AACS: variants seen among roughly 807,000 people sequenced by gnomAD.
AACS encodes the protein acetoacetate-CoA ligase.
AACS carries 69 observed loss-of-function variants against 83.1 expected under a neutral mutation model. The ratio of observed to expected loss-of-function variants is 0.83; its 90% CI spans 0.68 to 1.01. The LOEUF (loss-of-function observed/expected upper bound fraction) is 1.01. Ranked by LOEUF, AACS falls within the 50% of genes least tolerant of loss-of-function variation. AACS has a pLI of 0.00. For missense variants in AACS, 866 were observed against 882.2 expected (o/e 0.98, Z 0.23); for synonymous variants, 333 against 343.4 (o/e 0.97, Z 0.33).
At chr12:125,108,510 C>G (rs922833569) in intron 8 of AACS, among the ~76,000 whole-genome samples, 2 of 152,054 alleles carry the variant, frequency 1.3e-5, no homozygotes. Flanking sequence ...CTTCAACATA[C>G]GAATTTTGGG....
Position 125,129,557 on chromosome 12 carries a change from C to T in AACS, c.1549+97C>T, listed in dbSNP as rs1243111626. On this transcript the variant is annotated intron_variant, in intron 14 of 17. Transcript: ENST00000316519. The surrounding 1 kb of genome is among the most constrained non-coding windows in gnomAD (Gnocchi z 4.3). Reference sequence around the variant, plus strand: ...CCATCGTGCCCCTCCCCTCTTCCTTCCCCCACCAGGGCTTGGAGAAGCTGC... The same window carrying T: ...CCATCGTGCCCCTCCCCTCTTCCTTTCCCCACCAGGGCTTGGAGAAGCTGC... The T allele has an allele frequency of 2.8e-6, 4 of 1,453,398 alleles. No individual in the cohort carries two copies. Among genetic ancestry groups the T allele is most frequent in the Non-Finnish European group, 3.7e-6 (4 of 1,081,070 alleles). 90.0% of individuals were successfully genotyped at this position (1,453,398 alleles called of 1,614,324 possible). A position where few individuals can be genotyped will look rare whatever the true frequency, so the allele number is the denominator to read the frequency against.
rs771079205 is a variant in AACS at position 125,142,280 on chromosome 12, T to G, written c.*51T>G. On this transcript the variant is annotated 3_prime_UTR_variant, in exon 18 of 18. Coordinates refer to ENST00000316519, the MANE Select transcript of AACS (RefSeq NM_023928.5). ...GCCGCACCCGTGTGCACTGTAACTT[T>G]TGTGTGCTCAAGAAATTATACAGAA... 2.5e-6 allele frequency: 4 copies of G among 1,592,436 alleles called. No individual in the cohort carries two copies. Among genetic ancestry groups the G allele is most frequent in the South Asian group, 2.2e-5 (2 of 89,720 alleles).
At chr12:125,136,587 G>T in intron 16 of AACS, 75 bp from the exon 17 acceptor site, 1 of 1,306,930 alleles carries the variant, frequency 7.7e-7, no homozygotes, top group Non-Finnish European at 1.1e-6. Flanking sequence ...CTCCTGCTCT[G>T]CCAGGTTGCT....
At position 125,066,437 on chromosome 12, in the gene AACS, G is replaced by A. The variant is rs369411720; in HGVS notation, c.133+720G>A. Among the ~76,000 whole-genome samples the A allele has an allele frequency of 2.5e-4, 35 of 139,344 alleles. 1 individual carries two copies. Among genetic ancestry groups the A allele is most frequent in the African/African-American group, 8.4e-4 (32 of 37,892 alleles). The allele number at this position is 139,344 out of a possible 152,430, so 91.4% of individuals were successfully genotyped here. On this transcript the variant is annotated intron_variant, in intron 1 of 17. Transcript: ENST00000316519. Reference sequence around the variant, plus strand: ...CACCCCTCCACCCTGCCTCCCCTAGGTATTCCTAGGGGATTTTTTTTTTTT... The same window carrying A: ...CACCCCTCCACCCTGCCTCCCCTAGATATTCCTAGGGGATTTTTTTTTTTT...
chr12:125,123,301 CCT>C (rs1222839664), intron 10 of AACS: 1 of 152,172 alleles, frequency 6.6e-6, no homozygotes, highest in African/African-American at 2.4e-5. Context: ...AGGTCTCCAT[CCT>C]CTGTTAGTGA....
chr12:125,119,307 T>A (rs1038910216), intron 10 of AACS, among the ~76,000 whole-genome samples: 2 of 152,182 alleles, frequency 1.3e-5, no homozygotes, highest in African/African-American at 4.8e-5. Context: ...TTCATCTTAT[T>A]TCTCTAGTTG....
In AACS at chr12:125,136,853, A is replaced by C. The variant is rs564588581; in HGVS notation, c.1870A>C (p.Lys624Gln). 2 of 1,613,348 alleles carry C rather than the reference A, an allele frequency of 1.2e-6. No homozygotes were observed. The highest frequency in any genetic ancestry group is 2.7e-5 in the African/African-American group (2 of 75,044). The change falls in exon 17 of 18, where the codon AAG (lysine) becomes CAG (glutamine). Residue 624 changes from lysine to glutamine, a missense_variant. Coordinates refer to ENST00000316519, the MANE Select transcript of AACS (RefSeq NM_023928.5). ...CGTGCCCAGCCTCATCCTGGAAACC[A>C]AGGGCATCCCGGTATGGCCATCTCC... is the stretch of plus-strand genomic sequence containing the variant. ...RHVPSLILET[K>Q]GIPYTLNGKK...
intron 7 of AACS, among the ~76,000 whole-genome samples, chr12:125,104,379 T>C (rs540861998): frequency 6.6e-6 from 1 of 152,272 alleles, no homozygotes; most frequent in East Asian, 1.9e-4. Context: ...CTTGTTACCG[T>C]CTGTCAGGGT....
Position 125,103,089 on chromosome 12 carries a change from A to C in AACS, c.767+8A>C, listed in dbSNP as rs1956752053. 1 of 1,612,546 alleles carries C rather than the reference A, an allele frequency of 6.2e-7. No homozygotes were observed. The highest frequency in any genetic ancestry group is 8.5e-7 in the Non-Finnish European group (1 of 1,179,422). ...TTCAAAGATTCCAAACAGGTAATGT[A>C]CCGCATTCTGACCCACAGGTCCGTG... On this transcript the variant is annotated splice_region_variant and intron_variant, in intron 7 of 17. Transcript: ENST00000316519.
At chr12:125,118,326 A>C in intron 9 of AACS, 1 of 344,554 alleles carries the variant, frequency 2.9e-6, no homozygotes, top group East Asian at 7.8e-5. Context: ...ACTGTGTAGG[A>C]GTGTCAGTAG....
Position 125,089,377 on chromosome 12 carries a change from T to C in AACS, c.473-2049T>C, listed in dbSNP as rs147249810. On this transcript the variant is annotated intron_variant, in intron 4 of 17. Coordinates refer to ENST00000316519, the MANE Select transcript of AACS (RefSeq NM_023928.5). ...GACTAGGGACCCCTGGGGGCACACC[T>C]GGGTAGCTGCACCTCGCTCTGATGA... 8.5e-3 allele frequency among the ~76,000 whole-genome samples: 1,289 copies of C among 152,248 alleles called. 24 individuals carry two copies. The highest frequency in any genetic ancestry group is 0.029 in the African/African-American group (1,218 of 41,546).
At position 125,107,331 on chromosome 12, in the gene AACS, C is replaced by T. The variant is rs1204013905; in HGVS notation, c.915+63C>T. The T allele has an allele frequency of 9.5e-6, 15 of 1,586,896 alleles. No individual in the cohort carries two copies. In the East Asian group the frequency reaches 1.6e-4, roughly 17 times the overall value. ...GTCTGTTTGCTTCAACAGGGCCTCC[C>T]AGCTGATGATGGCAGTGTTGGAGTT... On this transcript the variant is annotated intron_variant, in intron 8 of 17. Coordinates refer to ENST00000316519, the MANE Select transcript of AACS (RefSeq NM_023928.5).
intron 8 of AACS, among the ~76,000 whole-genome samples, chr12:125,110,190 TGTGTGTGTGTGTGTGTGTGTGTGTG>T (rs1956924940): frequency 5.2e-3 from 1 of 192 alleles, no homozygotes; most frequent in African/African-American, 0.018. Context: ...CGGCTAAGTT[TGTGTGTGTGTGTGTGTGTGTGTGTG>T]TGTGTGTGTG....
intron 3 of AACS, among the ~76,000 whole-genome samples, chr12:125,081,954 C>T (rs1369731054): frequency 1.3e-5 from 2 of 151,662 alleles, no homozygotes; most frequent in Non-Finnish European, 2.9e-5. Flanking sequence ...TGGCTCACTG[C>T]AGCCTCCGCC....
At chr12:125,141,997 T>C (rs1346760780) in intron 17 of AACS, 95 bp from the exon 18 acceptor site, 1 of 1,511,276 alleles carries the variant, frequency 6.6e-7, no homozygotes, top group African/African-American at 1.4e-5. Flanking sequence ...GCACTCCAGG[T>C]GGAGCTGGGC....
chr12:125,135,346 C>T (rs555277345), intron 16 of AACS, among the ~76,000 whole-genome samples: 18 of 152,226 alleles, frequency 1.2e-4, no homozygotes, highest in Non-Finnish European at 2.5e-4. Flanking sequence ...CCGCCTGCCT[C>T]GGCCTCCCAA....
chr12:125,095,069 C>T (rs912816437), intron 5 of AACS, among the ~76,000 whole-genome samples: 1 of 151,824 alleles, frequency 6.6e-6, no homozygotes, highest in Non-Finnish European at 1.5e-5. Context: ...CTCTGGGTGG[C>T]TGTCACCATG....
At chr12:125,093,736 C>T (rs931877201) in intron 5 of AACS, among the ~76,000 whole-genome samples, 13 of 152,320 alleles carry the variant, frequency 8.5e-5, no homozygotes, top group Admixed American at 7.2e-4. Context: ...GGCCACCTGC[C>T]CTCCTGCTGA....
At chr12:125,068,181 G>T (rs1300572077) in intron 1 of AACS, among the ~76,000 whole-genome samples, 1 of 152,242 alleles carries the variant, frequency 6.6e-6, no homozygotes, top group Non-Finnish European at 1.5e-5. Flanking sequence ...AGGGGGCTGG[G>T]CGTGGTGGCT....
Sources: allele counts gnomAD v4.1 joint callset (sites outside exome capture counted in the v4.1 genomes callset), GRCh38; gene constraint gnomAD v4.1.1; non-coding constraint Gnocchi (gnomAD v3.1); transcripts MANE v1.5; gene names NCBI Gene and HGNC (gene_info 2026-07-23, HGNC 2026-07-21).